MYO9B: variants seen among roughly 807,000 people sequenced by gnomAD.
MYO9B encodes myosin IXB, also known as unconventional myosin-IXb.
Under a neutral mutation model 229.5 loss-of-function variants are expected in MYO9B, and 71 were observed. That is an observed-to-expected ratio of 0.31 (90% confidence interval 0.26 to 0.38). MYO9B has a LOEUF of 0.38. Among genes scored for constraint, MYO9B ranks in the 10% least tolerant of loss-of-function variants. The probability of loss-of-function intolerance (pLI) is 1.00; values close to 1 mark genes in which losing one functional copy is unlikely to be tolerated. For synonymous variants in MYO9B, 1,185 were observed against 1,235.8 expected, an observed-to-expected ratio of 0.96 and a Z score of 0.86; for missense variants, 2,255 against 2,920.5, an observed-to-expected ratio of 0.77 and a Z score of 5.25.
intron 20 of MYO9B, 74 bp downstream of exon 20, chr19:17,191,293 C>T (rs1011633339): frequency 1.4e-6 from 2 of 1,460,944 alleles, no homozygotes; most frequent in Non-Finnish European, 1.8e-6. Context: ...CTCCCCAGGC[C>T]CCCAGGGCCA....
At position 17,187,985 on chromosome 19, in the gene MYO9B, C is replaced by G; in HGVS notation, c.2628C>G (p.Thr876=). 5.0e-6 allele frequency: 8 copies of G among 1,602,158 alleles called. No individual in the cohort carries two copies. The highest frequency in any genetic ancestry group is 6.8e-6 in the Non-Finnish European group (8 of 1,174,606). Residue 876 remains threonine (T), a synonymous_variant, in exon 19 of 40, where the codon ACC becomes ACG. Transcript: ENST00000682292. The part of the protein sequence containing the change: ...DELVLQQLRY[T]GMLETVRIRR... Reference sequence around the variant, plus strand: ...TGGTCCTGCAGCAGCTGCGCTACACCGGCATGCTGGAGACCGTGCGCATCC... The same window carrying G: ...TGGTCCTGCAGCAGCTGCGCTACACGGGCATGCTGGAGACCGTGCGCATCC...
chr19:17,182,648 C>G (rs540982108), intron 15 of MYO9B, among the ~76,000 whole-genome samples: 1 of 151,842 alleles, frequency 6.6e-6, no homozygotes, highest in African/African-American at 2.4e-5. Flanking sequence ...TCAAATGATC[C>G]GCCCACCTCG....
chr19:17,135,975 G>A (rs12973822), intron 2 of MYO9B, among the ~76,000 whole-genome samples: 18,030 of 151,576 alleles, frequency 0.12, 1,303 homozygotes, highest in East Asian at 0.28. Context: ...AGAGAGACCC[G>A]TTTCCTGCTG....
intron 2 of MYO9B, among the ~76,000 whole-genome samples, chr19:17,113,488 C>T (rs1459064213): frequency 3.3e-5 from 5 of 152,174 alleles, no homozygotes; most frequent in East Asian, 1.9e-4. Flanking sequence ...CCAGGCCATC[C>T]GAAAGGCTAA....
intron 1 of MYO9B, among the ~76,000 whole-genome samples, chr19:17,097,187 G>C (rs927323022): frequency 6.6e-6 from 1 of 151,856 alleles, no homozygotes; most frequent in Non-Finnish European, 1.5e-5. Context: ...CGGGCATGGT[G>C]GTGGGCCCCT....
At chr19:17,157,278 C>T (rs1353759732) in intron 7 of MYO9B, 8 of 431,614 alleles carry the variant, frequency 1.9e-5, no homozygotes, top group East Asian at 1.3e-4. Context: ...GCTCAGGGGC[C>T]GGGTGCGGTG....
At chr19:17,137,528 G>A (rs770929427) in intron 2 of MYO9B, among the ~76,000 whole-genome samples, 2 of 152,006 alleles carry the variant, frequency 1.3e-5, no homozygotes, top group African/African-American at 2.4e-5. Context: ...TCTCTCTCTG[G>A]GGCCCCCTCC....
intron 2 of MYO9B, among the ~76,000 whole-genome samples, chr19:17,115,033 A>G (rs1171195532): frequency 1.3e-5 from 2 of 151,342 alleles, no homozygotes; most frequent in South Asian, 2.1e-4. Flanking sequence ...CTGTCGCCCA[A>G]GCTGAGGTGC....
At chr19:17,142,547 C>A (rs1172225714) in intron 2 of MYO9B, among the ~76,000 whole-genome samples, 1 of 152,080 alleles carries the variant, frequency 6.6e-6, no homozygotes, top group African/African-American at 2.4e-5. Context: ...TCCACATACC[C>A]TGCCTTGTGT....
At chr19:17,150,078 T>A (rs1351805707) in intron 3 of MYO9B, among the ~76,000 whole-genome samples, 1 of 152,166 alleles carries the variant, frequency 6.6e-6, no homozygotes, top group Non-Finnish European at 1.5e-5. Flanking sequence ...AAGCCACCTG[T>A]GCATCGTGTG....
chr19:17,141,810 C>A (rs2072343716), intron 2 of MYO9B, among the ~76,000 whole-genome samples: 1 of 152,226 alleles, frequency 6.6e-6, no homozygotes, highest in Non-Finnish European at 1.5e-5. Flanking sequence ...CCTGCACACT[C>A]CCTGCACTGC....
intron 2 of MYO9B, among the ~76,000 whole-genome samples, chr19:17,134,097 G>T (rs1297985389): frequency 1.3e-5 from 2 of 151,898 alleles, no homozygotes; most frequent in Non-Finnish European, 2.9e-5. Context: ...TTGGACTGGG[G>T]GTACATGTGT....
rs941335582 is a variant in MYO9B, at chr19:17,101,513, G to A, written c.-58-147G>A. Reference sequence around the variant, plus strand: ...CAGACCCTCACGGGATGTCGTGACTGGTTGCCTCTGGCTTTTTGGGCGAGC... The same window carrying A: ...CAGACCCTCACGGGATGTCGTGACTAGTTGCCTCTGGCTTTTTGGGCGAGC... On this transcript the variant is annotated intron_variant, in intron 1 of 39. Transcript: ENST00000682292. This position sits in a 1 kb window ranked among gnomAD's most constrained non-coding sequence, Gnocchi z 4.7. 8.5e-6 allele frequency: 6 copies of A among 701,826 alleles called. No homozygotes were observed. The African/African-American group carries it at 9.0e-5, about 10-fold the overall frequency. The allele number at this position is 701,826 out of a possible 1,614,324, so 43.5% of individuals were successfully genotyped here. A position where few individuals can be genotyped will look rare whatever the true frequency, so the allele number is the denominator to read the frequency against.
At chr19:17,159,886 A>G (rs548350284) in intron 8 of MYO9B, among the ~76,000 whole-genome samples, 1 of 152,336 alleles carries the variant, frequency 6.6e-6, no homozygotes, top group East Asian at 1.9e-4. Context: ...AACAGAGAAC[A>G]TCAGGCCCCA....
intron 2 of MYO9B, among the ~76,000 whole-genome samples, chr19:17,142,790 A>G (rs2072357770): frequency 6.6e-6 from 1 of 152,172 alleles, no homozygotes; most frequent in South Asian, 2.1e-4. Context: ...TTGTTTCACC[A>G]TTTACAAATG....
chr19:17,078,628 T>C lies in MYO9B; in HGVS notation c.-59+2754T>C, dbSNP rs561634200. Among the ~76,000 whole-genome samples the C allele has an allele frequency of 2.0e-4, 31 of 152,032 alleles. No individual in the cohort carries two copies. The South Asian group carries it at 6.5e-3, about 32-fold the overall frequency. On this transcript the variant is annotated intron_variant, in intron 1 of 39. Coordinates refer to ENST00000682292, the MANE Select transcript of MYO9B (RefSeq NM_004145.4). ...GCCACAAGATATTATGGGGGGAGAA[T>C]TAGGGACAACCAATGCAAGCTTTAG...
intron 11 of MYO9B, among the ~76,000 whole-genome samples, chr19:17,169,104 G>T (rs1435134070): frequency 1.3e-5 from 2 of 152,090 alleles, no homozygotes. Context: ...AGGCACAGTG[G>T]CTCACGCCTG....
rs548534310 is a variant in MYO9B at position 17,101,194 on chromosome 19, A to G, written c.-58-466A>G. On this transcript the variant is annotated intron_variant, in intron 1 of 39. Coordinates refer to ENST00000682292, the MANE Select transcript of MYO9B (RefSeq NM_004145.4). This position sits in a 1 kb window ranked among gnomAD's most constrained non-coding sequence, Gnocchi z 4.7. ...GTAAAAGCCACTGTATTTTTTTTTA[A>G]GTGACAGGGTCTCTCTCTCTCACCC... Among the ~76,000 whole-genome samples the G allele has an allele frequency of 6.6e-6, 1 of 151,160 alleles. No individual in the cohort carries two copies. The highest frequency in any genetic ancestry group is 6.6e-5 in the Admixed American group (1 of 15,110).
At chr19:17,191,252 C>T in intron 20 of MYO9B, 33 bp downstream of exon 20, 1 of 1,597,606 alleles carries the variant, frequency 6.3e-7, no homozygotes, top group South Asian at 1.1e-5. Context: ...GCACTACAAA[C>T]CCACACCCTG....
Sources: gnomAD v4.1 joint callset for allele counts (sites outside exome capture counted in the v4.1 genomes callset) on GRCh38, gnomAD v4.1.1 for gene constraint, Gnocchi (gnomAD v3.1) non-coding constraint, MANE v1.5 for transcripts, NCBI Gene and HGNC (gene_info 2026-07-23, HGNC 2026-07-21) for gene names.